Variants in RIMS1 observed in about 807,000 individuals in gnomAD.
RIMS1 encodes regulating synaptic membrane exocytosis protein 1.
In RIMS1, 83 loss-of-function variants were observed where a neutral mutation model predicts 214.1. The ratio of observed to expected loss-of-function variants is 0.39; its 90% confidence interval spans 0.32 to 0.47. The LOEUF is 0.47. RIMS1 is among the 20% of genes least tolerant of loss of function. The pLI, the probability that RIMS1 is intolerant of heterozygous loss-of-function variation, is 0.99. For missense variants in RIMS1, 2,050 were observed against 2,161.8 expected (o/e 0.95, Z 1.03); for synonymous variants, 793 against 786.8 (o/e 1.01, Z -0.13).
Position 71,938,113 on chromosome 6 carries a change from G to A in RIMS1, c.165-30870G>A, listed in dbSNP as rs530796371. Among the ~76,000 whole-genome samples the A allele has an allele frequency of 5.3e-5, 8 of 152,276 alleles. No individual in the cohort carries two copies. In the South Asian group the frequency reaches 1.7e-3, roughly 32 times the overall value. ...ACAGGCAAGAATAAAGGAGTAACTGGTCCCAAGTAAGTCGAAAACCCAAGA... is the reference window on the plus strand; with the variant it reads ...ACAGGCAAGAATAAAGGAGTAACTGATCCCAAGTAAGTCGAAAACCCAAGA... On this transcript the variant is annotated intron_variant, in intron 1 of 33. Transcript: ENST00000521978.
At chr6:72,253,898 A>G (rs769844449) in intron 16 of RIMS1, among the ~76,000 whole-genome samples, 4 of 152,044 alleles carry the variant, frequency 2.6e-5, no homozygotes, top group Non-Finnish European at 5.9e-5. Flanking sequence ...ACGGAGTCTC[A>G]CTCTGCTGCT....
At chr6:72,149,814 G>A (rs1188033766) in intron 4 of RIMS1, among the ~76,000 whole-genome samples, 1 of 152,176 alleles carries the variant, frequency 6.6e-6, no homozygotes, top group Non-Finnish European at 1.5e-5. Context: ...TTGGCCCTAG[G>A]CCTGCTGCAG....
chr6:71,952,183 A>G (rs557788968), intron 1 of RIMS1, among the ~76,000 whole-genome samples: 20 of 152,214 alleles, frequency 1.3e-4, no homozygotes, highest in Middle Eastern at 3.4e-3. Context: ...AAGCCTTGTG[A>G]ATCTCCAGCT....
chr6:72,352,338 T>C (rs926860316), intron 29 of RIMS1, among the ~76,000 whole-genome samples: 1 of 152,180 alleles, frequency 6.6e-6, no homozygotes, highest in Non-Finnish European at 1.5e-5. Flanking sequence ...CTAAAACAGG[T>C]ACCATTATTA....
intron 16 of RIMS1, among the ~76,000 whole-genome samples, 183 bp downstream of exon 16, chr6:72,253,015 C>A (rs948844582): frequency 2.6e-5 from 4 of 152,262 alleles, no homozygotes; most frequent in African/African-American, 9.6e-5. Flanking sequence ...CTAGTCTCTA[C>A]TAATTAGCAT....
At chr6:71,903,562 A>G (rs1178189149) in intron 1 of RIMS1, among the ~76,000 whole-genome samples, 1 of 152,196 alleles carries the variant, frequency 6.6e-6, no homozygotes, top group East Asian at 1.9e-4. Context: ...CAGAGTGAAC[A>G]GACAGCCTAC....
At chr6:72,248,610 T>C (rs963356227) in intron 12 of RIMS1, among the ~76,000 whole-genome samples, 2 of 152,218 alleles carry the variant, frequency 1.3e-5, no homozygotes, top group African/African-American at 4.8e-5. Context: ...TGCCTTATTA[T>C]GTGATCTGGG....
chr6:72,077,372 T>A (rs980287910), intron 2 of RIMS1, among the ~76,000 whole-genome samples: 2 of 152,222 alleles, frequency 1.3e-5, no homozygotes, highest in African/African-American at 4.8e-5. Flanking sequence ...TTAGTTTTGT[T>A]CATGTTTATA....
At chr6:71,915,020 T>A (rs1777916132) in intron 1 of RIMS1, among the ~76,000 whole-genome samples, 1 of 152,134 alleles carries the variant, frequency 6.6e-6, no homozygotes, top group Non-Finnish European at 1.5e-5. Flanking sequence ...CTATTTTGAT[T>A]TAATTCTATT....
At chr6:72,213,845 C>T (rs1483921667) in intron 6 of RIMS1, among the ~76,000 whole-genome samples, 1 of 152,138 alleles carries the variant, frequency 6.6e-6, no homozygotes, top group Non-Finnish European at 1.5e-5. Context: ...TATGTATTCT[C>T]TCCCAAGGGA....
chr6:71,989,286 C>T (rs1800888623), intron 2 of RIMS1, among the ~76,000 whole-genome samples: 1 of 152,160 alleles, frequency 6.6e-6, no homozygotes. Context: ...TCAATATTTG[C>T]TAACTGTTAT....
chr6:72,009,668 C>G (rs1472831334), intron 2 of RIMS1, among the ~76,000 whole-genome samples: 1 of 152,158 alleles, frequency 6.6e-6, no homozygotes, highest in Non-Finnish European at 1.5e-5. Flanking sequence ...CACAGAAATA[C>G]AAACTACTAT....
At chr6:71,980,154 A>G (rs1015974270) in intron 2 of RIMS1, among the ~76,000 whole-genome samples, 18 of 152,202 alleles carry the variant, frequency 1.2e-4, no homozygotes, top group African/African-American at 3.6e-4. Flanking sequence ...TTGTGAAAAA[A>G]CAGGAAGCTT....
At chr6:72,161,721 G>A (rs1195804571) in intron 4 of RIMS1, among the ~76,000 whole-genome samples, 1 of 140,756 alleles carries the variant, frequency 7.1e-6, no homozygotes, top group Non-Finnish European at 1.6e-5. Context: ...TTAAGCCTGA[G>A]TTCTAGTTTG....
At chr6:72,240,638 T>C (rs1332868538) in intron 9 of RIMS1, among the ~76,000 whole-genome samples, 9 of 146,766 alleles carry the variant, frequency 6.1e-5, no homozygotes, top group African/African-American at 1.2e-4. Flanking sequence ...TTCTTTTTTT[T>C]TTTTTTTTTT....
intron 1 of RIMS1, among the ~76,000 whole-genome samples, chr6:71,919,424 G>A (rs1056131012): frequency 6.6e-6 from 1 of 152,008 alleles, no homozygotes; most frequent in African/African-American, 2.4e-5. Context: ...AAACAATTAT[G>A]GGTGGGAAGA....
intron 4 of RIMS1, among the ~76,000 whole-genome samples, chr6:72,131,059 T>G (rs541712208): frequency 1.3e-5 from 2 of 152,280 alleles, no homozygotes; most frequent in African/African-American, 4.8e-5. Flanking sequence ...CCTATGGTGT[T>G]CTTAATATAT....
rs1313936191 is a variant in RIMS1, at chr6:72,159,156, G to C, written c.472-20419G>C. Among the ~76,000 whole-genome samples, 4 of 141,098 alleles carry C rather than the reference G, an allele frequency of 2.8e-5. 1 individual carries two copies. The South Asian group carries it at 9.3e-4, about 33-fold the overall frequency. 92.6% of individuals were successfully genotyped at this position (141,098 alleles called of 152,430 possible). A position where few individuals can be genotyped will look rare whatever the true frequency, so the allele number is the denominator to read the frequency against. Reference sequence around the variant, plus strand: ...CATTTCTCTGATGGCCAGTGATGTTGAGCATTTTTTCATGTGTCTTTTGGC... The same window carrying C: ...CATTTCTCTGATGGCCAGTGATGTTCAGCATTTTTTCATGTGTCTTTTGGC... On this transcript the variant is annotated intron_variant, in intron 4 of 33. Coordinates refer to ENST00000521978, the MANE Select transcript of RIMS1 (RefSeq NM_014989.7).
chr6:71,909,262 G>A lies in RIMS1; in HGVS notation c.164+22075G>A, dbSNP rs138622295. ...TCCACCTGCCTCGGCCTTCCAAAGT[G>A]CCGGGAAGTGCTCAGCCCTTCCAAA... is the stretch of plus-strand genomic sequence containing the variant. On this transcript the variant is annotated intron_variant, in intron 1 of 33. Coordinates refer to ENST00000521978, the MANE Select transcript of RIMS1 (RefSeq NM_014989.7). Among the ~76,000 whole-genome samples, 697 of 152,242 alleles carry A rather than the reference G, an allele frequency of 4.6e-3. 5 individuals carry two copies. The highest frequency in any genetic ancestry group is 0.015 in the African/African-American group (606 of 41,558).
Sources: allele counts gnomAD v4.1 joint callset (sites outside exome capture counted in the v4.1 genomes callset), GRCh38; gene constraint gnomAD v4.1.1; transcripts MANE v1.5; gene names NCBI Gene and HGNC (gene_info 2026-07-23, HGNC 2026-07-21).